Variants in PLCB1 observed in about 807,000 individuals in gnomAD.
The protein encoded by PLCB1 is 1-phosphatidylinositol 4,5-bisphosphate phosphodiesterase beta-1.
Under a neutral mutation model 161.8 loss-of-function variants are expected in PLCB1, and 46 were observed. The ratio of observed to expected loss-of-function variants is 0.28; its 90% CI spans 0.22 to 0.36. The LOEUF is 0.36. Ranked by LOEUF, PLCB1 falls within the 10% of genes least tolerant of loss-of-function variation. PLCB1 has a pLI of 1.00. For missense variants in PLCB1, 1,016 were observed against 1,472.5 expected (o/e 0.69, Z 5.07); for synonymous variants, 517 against 503.7 (o/e 1.03, Z -0.35).
chr20:8,810,363 T>C (rs1407743536), intron 31 of PLCB1, among the ~76,000 whole-genome samples: 2 of 152,134 alleles, frequency 1.3e-5, no homozygotes, highest in Non-Finnish European at 2.9e-5. Flanking sequence ...ACGTGTGTTT[T>C]CTGATTAGAG....
intron 3 of PLCB1, among the ~76,000 whole-genome samples, chr20:8,611,005 A>G (rs1987890099): frequency 6.6e-6 from 1 of 152,088 alleles, no homozygotes; most frequent in Non-Finnish European, 1.5e-5. Context: ...ATGGTAAACT[A>G]TAAATATCTA....
At chr20:8,259,893 C>T (rs1267725675) in intron 2 of PLCB1, among the ~76,000 whole-genome samples, 2 of 152,072 alleles carry the variant, frequency 1.3e-5, no homozygotes, top group South Asian at 2.1e-4. Context: ...CATTGATTTT[C>T]CTGAAGTTGA....
intron 2 of PLCB1, among the ~76,000 whole-genome samples, chr20:8,363,210 A>G (rs111422270): frequency 6.6e-6 from 1 of 152,286 alleles, no homozygotes; most frequent in African/African-American, 2.4e-5. Flanking sequence ...CCACAACTTA[A>G]TGGCTTAAAA....
At position 8,396,981 on chromosome 20, in the gene PLCB1, T is replaced by C. The variant is rs1167344107; in HGVS notation, c.246+25531T>C. Among the ~76,000 whole-genome samples the C allele has an allele frequency of 2.6e-5, 4 of 152,212 alleles. No homozygotes were observed. In the East Asian group the frequency reaches 7.7e-4, roughly 29 times the overall value. On this transcript the variant is annotated intron_variant, in intron 3 of 31. Transcript: ENST00000338037. ...ATCTGAAGCAGATATCTCTTCTTCA[T>C]TTGGCGTTTTTATTCTTTGGTAATG...
rs556016271 is a variant in PLCB1, at chr20:8,737,075, G to A, written c.2091G>A (p.Val697=). The A allele has an allele frequency of 2.7e-5, 43 of 1,613,376 alleles. No homozygotes were observed. Among genetic ancestry groups the A allele is most frequent in the Non-Finnish European group, 3.4e-5 (40 of 1,179,548 alleles). Residue 697 remains valine, a synonymous_variant, in exon 20 of 32, where the codon GTG becomes GTA. Coordinates refer to ENST00000338037, the MANE Select transcript of PLCB1 (RefSeq NM_015192.4). ...CTGATAAGAAAGTTGGGACTTACGT[G>A]GAAGTAGATATGTTTGGTTTGCCTG... The part of the protein sequence containing the change: ...FLSDKKVGTY[V]EVDMFGLPVD...
intron 3 of PLCB1, among the ~76,000 whole-genome samples, chr20:8,627,387 G>A: frequency 6.7e-6 from 1 of 150,070 alleles, no homozygotes; most frequent in East Asian, 1.9e-4. Context: ...TCCAAAAAGA[G>A]GTCAGAATAG....
At chr20:8,785,214 T>G (rs959264292) in intron 27 of PLCB1, among the ~76,000 whole-genome samples, 1 of 152,086 alleles carries the variant, frequency 6.6e-6, no homozygotes, top group Non-Finnish European at 1.5e-5. Context: ...TCTTCCAGAT[T>G]GTCTCCATCT....
At chr20:8,438,048 A>C (rs1980387806) in intron 3 of PLCB1, among the ~76,000 whole-genome samples, 1 of 152,302 alleles carries the variant, frequency 6.6e-6, no homozygotes, top group African/African-American at 2.4e-5. Flanking sequence ...TAGAACTTTT[A>C]AAATTTATAT....
chr20:8,332,086 G>A (rs953526419), intron 2 of PLCB1, among the ~76,000 whole-genome samples: 3 of 152,134 alleles, frequency 2.0e-5, no homozygotes, highest in South Asian at 2.1e-4. Context: ...ATTTCTGGTC[G>A]CTGAACTGGC....
At position 8,774,549 on chromosome 20, in the gene PLCB1, A is replaced by G. The variant is rs1982849706; in HGVS notation, c.2941A>G (p.Ser981Gly). ...TCTGTGTCTTTGCAGATCGGAACCC[A>G]GCAGCCCTGATCATGGTTCATCAAC... ...KKDSKKKSEP[S>G]SPDHGSSTIE... Residue 981 changes from serine (S) to glycine (G), a missense_variant, in exon 27 of 32, where the codon AGC becomes GGC. Physicochemically the swap from Ser to Gly is moderately conservative, Grantham distance 56. Transcript: ENST00000338037. 6.2e-7 allele frequency: 1 copy of G among 1,611,244 alleles called. No individual in the cohort carries two copies. The highest frequency in any genetic ancestry group is 8.5e-7 in the Non-Finnish European group (1 of 1,177,942).
At chr20:8,519,179 G>A (rs1420589567) in intron 3 of PLCB1, among the ~76,000 whole-genome samples, 1 of 152,030 alleles carries the variant, frequency 6.6e-6, no homozygotes. Flanking sequence ...AATGCCCACT[G>A]AGGTTGGAAA....
rs1164472389 is a variant in PLCB1 at position 8,834,357 on chromosome 20, T to C, written c.3423+44096T>C. Among the ~76,000 whole-genome samples the C allele has an allele frequency of 7.2e-5, 11 of 152,120 alleles. No individual in the cohort carries two copies. The East Asian group carries it at 2.1e-3, about 30-fold the overall frequency. The stretch of plus-strand genomic sequence containing the variant: ...GAAGGTGACCTCCAGAAAGGAGATA[T>C]ATCAGTCAGAGTTCCCCCGAGAAAT... On this transcript the variant is annotated intron_variant, in intron 31 of 31. Transcript: ENST00000338037.
At chr20:8,330,233 C>T (rs1016269989) in intron 2 of PLCB1, among the ~76,000 whole-genome samples, 2 of 152,064 alleles carry the variant, frequency 1.3e-5, no homozygotes, top group African/African-American at 2.4e-5. Flanking sequence ...ATTAACTCAT[C>T]GTTTCATTAT....
At chr20:8,477,592 C>T (rs1982335252) in intron 3 of PLCB1, among the ~76,000 whole-genome samples, 1 of 152,116 alleles carries the variant, frequency 6.6e-6, no homozygotes, top group African/African-American at 2.4e-5. Context: ...CGTGGTTCTG[C>T]AGGCTGTACA....
intron 3 of PLCB1, among the ~76,000 whole-genome samples, chr20:8,504,465 G>A (rs1039941151): frequency 5.1e-4 from 77 of 152,160 alleles, no homozygotes; most frequent in African/African-American, 1.8e-3. Flanking sequence ...TAAATCAAGA[G>A]TGGAATTCCT....
chr20:8,444,383 C>A (rs1022773527), intron 3 of PLCB1, among the ~76,000 whole-genome samples: 4 of 152,078 alleles, frequency 2.6e-5, no homozygotes, highest in South Asian at 2.1e-4. Flanking sequence ...TGAACTCATC[C>A]TTTTTTATGG....
At chr20:8,294,335 G>T (rs1161517721) in intron 2 of PLCB1, among the ~76,000 whole-genome samples, 1 of 151,914 alleles carries the variant, frequency 6.6e-6, no homozygotes, top group East Asian at 1.9e-4. Context: ...TAATATCACA[G>T]TGAGATATTG....
At chr20:8,377,097 G>T (rs1414621592) in intron 3 of PLCB1, among the ~76,000 whole-genome samples, 1 of 152,110 alleles carries the variant, frequency 6.6e-6, no homozygotes, top group Non-Finnish European at 1.5e-5. Context: ...CTATCAGCAG[G>T]TTCCAGCACC....
intron 3 of PLCB1, among the ~76,000 whole-genome samples, chr20:8,547,308 A>T (rs935882176): frequency 2.0e-5 from 3 of 152,200 alleles, no homozygotes; most frequent in Admixed American, 2.0e-4. Context: ...TGGCATTTTC[A>T]GATATGGATA....
Sources: gnomAD v4.1 joint callset for allele counts (sites outside exome capture counted in the v4.1 genomes callset) on GRCh38, gnomAD v4.1.1 for gene constraint, MANE v1.5 for transcripts, NCBI Gene and HGNC (gene_info 2026-07-23, HGNC 2026-07-21) for gene names.